The following DLGAP1 variants were observed in gnomAD, a reference collection of about 807,000 sequenced individuals.
DLGAP1 encodes disks large-associated protein 1.
A neutral mutation model predicts 90.8 loss-of-function variants in DLGAP1; 11 were observed. The ratio of observed to expected loss-of-function variants is 0.12; its 90% CI spans 0.08 to 0.20. The LOEUF is 0.20. Ranked by LOEUF, DLGAP1 falls within the 10% of genes least tolerant of loss-of-function variation. DLGAP1 has a pLI of 1.00. For missense variants in DLGAP1, 1,050 were observed against 1,333.8 expected (o/e 0.79, Z 3.31); for synonymous variants, 558 against 540.7 (o/e 1.03, Z -0.44).
At chr18:3,875,545 A>T (rs2070977160) in intron 4 of DLGAP1, among the ~76,000 whole-genome samples, 1 of 152,202 alleles carries the variant, frequency 6.6e-6, no homozygotes, top group African/African-American at 2.4e-5. Flanking sequence ...TTGAAAGCAG[A>T]CAAATCAGTT....
intron 4 of DLGAP1, among the ~76,000 whole-genome samples, chr18:3,818,056 A>G (rs2067192126): frequency 6.6e-6 from 1 of 152,228 alleles, no homozygotes; most frequent in Non-Finnish European, 1.5e-5. Flanking sequence ...ACATAAACAA[A>G]TAATAATAAA....
At chr18:4,353,100 G>GT (rs1414940967) in intron 1 of DLGAP1, among the ~76,000 whole-genome samples, 2 of 152,146 alleles carry the variant, frequency 1.3e-5, no homozygotes, top group African/African-American at 2.4e-5. Context: ...AAGATCTACC[G>GT]TAAGTCAGGA....
chr18:4,354,284 G>C (rs76866342), intron 1 of DLGAP1, among the ~76,000 whole-genome samples: 1 of 152,030 alleles, frequency 6.6e-6, no homozygotes, highest in African/African-American at 2.4e-5. Flanking sequence ...AACCTAGAAC[G>C]ATTACTCTAA....
At chr18:3,865,470 G>A (rs537260588) in intron 4 of DLGAP1, among the ~76,000 whole-genome samples, 1 of 152,036 alleles carries the variant, frequency 6.6e-6, no homozygotes, top group African/African-American at 2.4e-5. Flanking sequence ...TATATTACTT[G>A]TTTTCAAACA....
chr18:4,186,110 C>T (rs935137704), intron 1 of DLGAP1, among the ~76,000 whole-genome samples: 3 of 151,994 alleles, frequency 2.0e-5, no homozygotes, highest in Non-Finnish European at 4.4e-5. Flanking sequence ...CTGTCACTTG[C>T]CCACTTTTTA....
chr18:4,050,566 A>T (rs894442891), intron 2 of DLGAP1, among the ~76,000 whole-genome samples: 2 of 152,218 alleles, frequency 1.3e-5, no homozygotes, highest in Non-Finnish European at 2.9e-5. Flanking sequence ...CACGTTATTA[A>T]TACTCAATGG....
intron 1 of DLGAP1, among the ~76,000 whole-genome samples, chr18:4,412,039 A>G (rs2082790275): frequency 6.6e-6 from 1 of 152,176 alleles, no homozygotes; most frequent in African/African-American, 2.4e-5. Context: ...GGACGTCCTT[A>G]TCTTGTAAGA....
intron 2 of DLGAP1, among the ~76,000 whole-genome samples, chr18:4,102,652 A>G (rs1482308452): frequency 6.6e-6 from 1 of 152,022 alleles, no homozygotes; most frequent in African/African-American, 2.4e-5. Flanking sequence ...CTCCCTTCAG[A>G]TTTTTCATAA....
intron 2 of DLGAP1, among the ~76,000 whole-genome samples, chr18:4,139,438 C>T (rs2076460133): frequency 6.6e-6 from 1 of 151,944 alleles, no homozygotes; most frequent in Middle Eastern, 3.4e-3. Context: ...TCCAAAGTTC[C>T]TCGTTATTGA....
At chr18:3,908,502 G>C (rs1038415766) in intron 3 of DLGAP1, among the ~76,000 whole-genome samples, 1 of 152,088 alleles carries the variant, frequency 6.6e-6, no homozygotes, top group Non-Finnish European at 1.5e-5. Context: ...CTGGGGTTTG[G>C]CCTGGTCATT....
At position 3,790,088 on chromosome 18, in the gene DLGAP1, T is replaced by C. The variant is rs2065655696; in HGVS notation, c.1172+23971A>G. On this transcript the variant is annotated intron_variant, in intron 5 of 12. Coordinates refer to ENST00000315677, the MANE Select transcript of DLGAP1 (RefSeq NM_004746.4). The stretch of plus-strand genomic sequence containing the variant: ...GAGGAGATGCCTATTAGCCCCCAGA[T>C]GGTATGTTAGAATCAGTGGAAAATT... Among the ~76,000 whole-genome samples, 5 of 152,152 alleles carry C rather than the reference T, an allele frequency of 3.3e-5. 1 individual carries two copies. The East Asian group carries it at 9.7e-4, about 29-fold the overall frequency.
rs577055343 is a variant in DLGAP1, at chr18:4,137,210, T to TA, written c.-159+13969dup. Reference sequence around the variant, plus strand: ...ATGATGGTTTCCAGTTTCATCCATGTACCTACAAAGGACATGAACTCATCA... The same window carrying TA: ...ATGATGGTTTCCAGTTTCATCCATGTAACCTACAAAGGACATGAACTCATCA... On this transcript the variant is annotated intron_variant, in intron 2 of 12. Coordinates refer to ENST00000315677, the MANE Select transcript of DLGAP1 (RefSeq NM_004746.4). Among the ~76,000 whole-genome samples the TA allele has an allele frequency of 1.7e-4, 26 of 152,338 alleles. No individual in the cohort carries two copies. In the South Asian group the frequency reaches 5.4e-3, roughly 32 times the overall value.
At chr18:3,816,099 T>A (rs770859896) in intron 4 of DLGAP1, among the ~76,000 whole-genome samples, 3 of 152,118 alleles carry the variant, frequency 2.0e-5, no homozygotes, top group Admixed American at 6.5e-5. Flanking sequence ...TAAAAAAAAA[T>A]TGCCTATAAG....
intron 3 of DLGAP1, among the ~76,000 whole-genome samples, chr18:3,928,580 A>G (rs1273338621): frequency 1.3e-5 from 2 of 152,168 alleles, no homozygotes; most frequent in South Asian, 2.1e-4. Flanking sequence ...AAGTGCTTCA[A>G]ATACATTAGT....
intron 4 of DLGAP1, among the ~76,000 whole-genome samples, chr18:3,836,605 G>T (rs1435711966): frequency 6.6e-6 from 1 of 152,128 alleles, no homozygotes; most frequent in African/African-American, 2.4e-5. Context: ...TGAATACCTG[G>T]CTTGTTCCAT....
At chr18:4,183,217 A>C (rs577061965) in intron 1 of DLGAP1, among the ~76,000 whole-genome samples, 1 of 152,296 alleles carries the variant, frequency 6.6e-6, no homozygotes, top group Admixed American at 6.5e-5. Context: ...CTTTTTGTGC[A>C]TAGCTTGATG....
intron 2 of DLGAP1, among the ~76,000 whole-genome samples, chr18:4,040,160 C>G (rs1441501999): frequency 2.6e-5 from 4 of 152,160 alleles, no homozygotes; most frequent in South Asian, 2.1e-4. Context: ...TGTAACTCTA[C>G]CACTCATCCG....
At chr18:4,327,354 T>C (rs1291717954) in intron 1 of DLGAP1, among the ~76,000 whole-genome samples, 4 of 152,022 alleles carry the variant, frequency 2.6e-5, no homozygotes, top group Non-Finnish European at 5.9e-5. Flanking sequence ...TATGTGCCAA[T>C]TAAAATAAAA....
At chr18:4,160,827 G>A (rs923550716) in intron 1 of DLGAP1, among the ~76,000 whole-genome samples, 2 of 151,916 alleles carry the variant, frequency 1.3e-5, no homozygotes, top group East Asian at 1.9e-4. Context: ...AGTTTCCCAT[G>A]TTCCGGGAAC....
Sources: gnomAD v4.1 joint callset for allele counts (sites outside exome capture counted in the v4.1 genomes callset) on GRCh38, gnomAD v4.1.1 for gene constraint, MANE v1.5 for transcripts, NCBI Gene and HGNC (gene_info 2026-07-23, HGNC 2026-07-21) for gene names.